The following FCHO2 variants were observed in gnomAD, a reference collection of about 807,000 sequenced individuals.
FCHO2 encodes F-BAR domain only protein 2.
A neutral mutation model predicts 114.1 loss-of-function variants in FCHO2; 43 were observed. The observed-to-expected ratio is 0.38, with a 90% confidence interval of 0.30 to 0.49. The LOEUF (loss-of-function observed/expected upper bound fraction) is 0.49, where lower values mean the gene tolerates loss of function less well. Among genes scored for constraint, FCHO2 ranks in the 20% least tolerant of loss-of-function variants. The pLI is 0.97. For missense variants in FCHO2, 807 were observed against 950.4 expected (o/e 0.85, Z 1.98); for synonymous variants, 293 against 315.2 (o/e 0.93, Z 0.75).
rs1287265073 is a variant in FCHO2, at chr5:72,994,287, C to T, written c.495+3423C>T. Among the ~76,000 whole-genome samples, 4 of 152,018 alleles carry T rather than the reference C, an allele frequency of 2.6e-5. 1 individual carries two copies. The highest frequency in any genetic ancestry group is 5.9e-5 in the Non-Finnish European group (4 of 68,002). On this transcript the variant is annotated intron_variant, in intron 5 of 25. Transcript: ENST00000430046. ...TCTATAAGGCACTTAAACAAATTTA[C>T]AAGAGAAAAACAACCCTATTAAAAA...
At chr5:72,990,423 C>G in intron 3 of FCHO2, 55 bp from the exon 4 acceptor site, 1 of 1,368,572 alleles carries the variant, frequency 7.3e-7, no homozygotes, top group Non-Finnish European at 9.8e-7. Flanking sequence ...TTGTTAGAAC[C>G]TTAATTTTCT....
intron 5 of FCHO2, among the ~76,000 whole-genome samples, chr5:73,003,009 A>G (rs550213033): frequency 1.3e-5 from 2 of 152,128 alleles, no homozygotes; most frequent in African/African-American, 4.8e-5. Flanking sequence ...TATTTTTATG[A>G]TATTTGTTTT....
intron 1 of FCHO2, among the ~76,000 whole-genome samples, chr5:72,960,394 A>G (rs1411345664): frequency 2.0e-5 from 3 of 152,218 alleles, no homozygotes; most frequent in Admixed American, 2.0e-4. Flanking sequence ...CACCATTGAT[A>G]ATCAAGCTGA....
intron 22 of FCHO2, among the ~76,000 whole-genome samples, chr5:73,081,478 C>G (rs1743088442): frequency 6.6e-6 from 1 of 152,146 alleles, no homozygotes; most frequent in Non-Finnish European, 1.5e-5. Context: ...TTAAGAATTC[C>G]TTCATAAAAT....
intron 2 of FCHO2, among the ~76,000 whole-genome samples, chr5:72,986,940 A>G (rs1753555453): frequency 6.9e-6 from 1 of 145,216 alleles, no homozygotes; most frequent in Admixed American, 7.1e-5. Context: ...GTGCAGTGGC[A>G]CCATCTCGGC....
chr5:72,969,135 C>T (rs1244317573), intron 2 of FCHO2, among the ~76,000 whole-genome samples: 1 of 152,112 alleles, frequency 6.6e-6, no homozygotes, highest in Non-Finnish European at 1.5e-5. Flanking sequence ...AAGCTGCTAT[C>T]CTACTAACTT....
Position 73,088,404 on chromosome 5 carries a change from G to A in FCHO2, c.*314G>A, listed in dbSNP as rs527659241. 93 of 287,654 alleles carry A rather than the reference G, an allele frequency of 3.2e-4. No homozygotes were observed. The highest frequency in any genetic ancestry group is 7.4e-4 in the South Asian group (11 of 14,828). 17.8% of individuals were successfully genotyped at this position (287,654 alleles called of 1,614,324 possible). A position where few individuals can be genotyped will look rare whatever the true frequency, so the allele number is the denominator to read the frequency against. On this transcript the variant is annotated 3_prime_UTR_variant, in exon 26 of 26. Coordinates refer to ENST00000430046, the MANE Select transcript of FCHO2 (RefSeq NM_138782.3). ...GTCTATGTTGAAAAAAAGGGTTATAGTGTAATATCAGGCCTAAAGTTTCAG... is the reference window on the plus strand; with the variant it reads ...GTCTATGTTGAAAAAAAGGGTTATAATGTAATATCAGGCCTAAAGTTTCAG...
intron 2 of FCHO2, among the ~76,000 whole-genome samples, chr5:72,974,732 T>C (rs1752761978): frequency 6.6e-6 from 1 of 152,158 alleles, no homozygotes; most frequent in African/African-American, 2.4e-5. Flanking sequence ...ATGTGTGAAT[T>C]TGATCCTGTC....
At chr5:73,080,178 T>C (rs1743045441) in intron 22 of FCHO2, among the ~76,000 whole-genome samples, 1 of 152,154 alleles carries the variant, frequency 6.6e-6, no homozygotes. Flanking sequence ...AATAGACAAA[T>C]AACCTATGGA....
At chr5:72,984,620 A>C (rs1315314310) in intron 2 of FCHO2, among the ~76,000 whole-genome samples, 1 of 152,090 alleles carries the variant, frequency 6.6e-6, no homozygotes, top group Non-Finnish European at 1.5e-5. Context: ...TTTTCTATGA[A>C]TGTCTTAATT....
chr5:72,989,640 T>C, intron 3 of FCHO2, 139 bp downstream of exon 3: 1 of 582,206 alleles, frequency 1.7e-6, no homozygotes, highest in South Asian at 3.0e-5. Flanking sequence ...TATTAATATA[T>C]TCTTCACTTG....
chr5:73,041,102 G>T (rs968281769), intron 10 of FCHO2, among the ~76,000 whole-genome samples, 189 bp from the exon 11 acceptor site: 1 of 152,016 alleles, frequency 6.6e-6, no homozygotes, highest in Non-Finnish European at 1.5e-5. Context: ...GGTGGTATGG[G>T]TATAAGAATG....
intron 22 of FCHO2, among the ~76,000 whole-genome samples, chr5:73,079,852 G>A (rs1743034986): frequency 6.6e-6 from 1 of 152,076 alleles, no homozygotes; most frequent in Non-Finnish European, 1.5e-5. Context: ...CAGGGGTCCT[G>A]GAACCCACCC....
At chr5:72,990,645 A>G in intron 4 of FCHO2, 26 bp downstream of exon 4, 2 of 1,528,016 alleles carry the variant, frequency 1.3e-6, no homozygotes, top group Non-Finnish European at 1.8e-6. Flanking sequence ...TTGTTAAATA[A>G]TTGATTGGTC....
At chr5:72,972,896 G>A (rs1752643601) in intron 2 of FCHO2, among the ~76,000 whole-genome samples, 1 of 152,174 alleles carries the variant, frequency 6.6e-6, no homozygotes, top group Non-Finnish European at 1.5e-5. Flanking sequence ...AATTTATTGA[G>A]AGTTTTTAGC....
intron 16 of FCHO2, among the ~76,000 whole-genome samples, chr5:73,058,042 G>A (rs573444094): frequency 1.8e-4 from 28 of 152,074 alleles, no homozygotes; most frequent in Non-Finnish European, 3.8e-4. Flanking sequence ...ACGGGGTCTT[G>A]CTCTGTTACC....
At chr5:72,992,514 T>C (rs1028456857) in intron 5 of FCHO2, among the ~76,000 whole-genome samples, 2 of 152,216 alleles carry the variant, frequency 1.3e-5, no homozygotes, top group Non-Finnish European at 2.9e-5. Flanking sequence ...CAGTGGGATT[T>C]GGCTCTTACG....
At chr5:72,992,466 A>G (rs576012660) in intron 5 of FCHO2, among the ~76,000 whole-genome samples, 2 of 152,348 alleles carry the variant, frequency 1.3e-5, no homozygotes, top group African/African-American at 4.8e-5. Flanking sequence ...GTAGAGATTG[A>G]TTATGCAAGC....
rs150769654 is a variant in FCHO2 at position 73,047,364 on chromosome 5, A to G, written c.940-3985A>G. ...ACCCCATTGCCCTTCCTTGTAGGTA[A>G]CCAACTTTATTGTGTTCTAATTATC... On this transcript the variant is annotated intron_variant, in intron 11 of 25. Coordinates refer to ENST00000430046, the MANE Select transcript of FCHO2 (RefSeq NM_138782.3). Among the ~76,000 whole-genome samples, 227 of 151,814 alleles carry G rather than the reference A, an allele frequency of 1.5e-3. 1 individual carries two copies. The highest frequency in any genetic ancestry group is 4.6e-3 in the African/African-American group (190 of 41,464).
Sources: gnomAD v4.1 joint callset for allele counts (sites outside exome capture counted in the v4.1 genomes callset) on GRCh38, gnomAD v4.1.1 for gene constraint, MANE v1.5 for transcripts, NCBI Gene and HGNC (gene_info 2026-07-23, HGNC 2026-07-21) for gene names.